Variants in RAD51B observed in about 807,000 individuals in gnomAD.
RAD51B encodes the protein DNA repair protein RAD51 homolog 2.
RAD51B carries 38 observed loss-of-function variants against 42.2 expected under a neutral mutation model. The observed-to-expected ratio is 0.90, with a 90% CI of 0.70 to 1.18. The LOEUF is 1.18. Among genes scored for constraint, RAD51B ranks in the 50% most tolerant of loss-of-function variants. RAD51B has a pLI of 0.00. For synonymous variants in RAD51B, 154 were observed against 145.2 expected (o/e 1.06, Z -0.43); for missense variants, 373 against 400.7 (o/e 0.93, Z 0.59).
chr14:68,382,403 C>A (rs1371774428), intron 8 of RAD51B, among the ~76,000 whole-genome samples: 2 of 152,124 alleles, frequency 1.3e-5, no homozygotes, highest in Admixed American at 6.5e-5. Flanking sequence ...GACATCAGCG[C>A]CATAAGATAT....
intron 7 of RAD51B, among the ~76,000 whole-genome samples, chr14:68,284,195 G>T (rs2081373547): frequency 6.6e-6 from 1 of 152,218 alleles, no homozygotes; most frequent in Non-Finnish European, 1.5e-5. Context: ...AACTTATTAA[G>T]ATTGGAAGCA....
chr14:68,209,671 C>T (rs2079662313), intron 7 of RAD51B, among the ~76,000 whole-genome samples: 1 of 152,150 alleles, frequency 6.6e-6, no homozygotes, highest in African/African-American at 2.4e-5. Flanking sequence ...ATTCTGTACC[C>T]ACTTAGGGAT....
intron 11 of RAD51B, among the ~76,000 whole-genome samples, chr14:68,653,463 C>G (rs1892744578): frequency 6.6e-6 from 1 of 152,238 alleles, no homozygotes. Context: ...AAGAGATACA[C>G]AGACTAGTCC....
intron 4 of RAD51B, among the ~76,000 whole-genome samples, chr14:67,843,822 AT>A (rs1215500790): frequency 3.1e-3 from 422 of 134,056 alleles, no homozygotes; most frequent in Non-Finnish European, 3.6e-3. Flanking sequence ...CTTTTTAATT[AT>A]TTTTTTTTTT....
At chr14:67,835,277 A>C in intron 4 of RAD51B, 81 bp downstream of exon 4, 1 of 1,020,988 alleles carries the variant, frequency 9.8e-7, no homozygotes, top group Admixed American at 2.0e-5. Flanking sequence ...AAAAAACATA[A>C]ATTATTTCTG....
intron 10 of RAD51B, among the ~76,000 whole-genome samples, chr14:68,584,155 A>T (rs117726003): frequency 6.6e-6 from 1 of 152,016 alleles, no homozygotes; most frequent in East Asian, 1.9e-4. Flanking sequence ...TGCTCCTGAC[A>T]CAGTGAAGAG....
chr14:68,264,166 G>A (rs2080940232), intron 7 of RAD51B, among the ~76,000 whole-genome samples: 1 of 152,214 alleles, frequency 6.6e-6, no homozygotes, highest in Non-Finnish European at 1.5e-5. Context: ...CAGGGGTGAG[G>A]ATCGTGTTTA....
At chr14:67,843,856 A>T in intron 4 of RAD51B, among the ~76,000 whole-genome samples, 1 of 149,422 alleles carries the variant, frequency 6.7e-6, no homozygotes, top group Non-Finnish European at 1.5e-5. Context: ...TGTTCAGTTC[A>T]GCTCTGATTT....
At chr14:68,675,969 A>C (rs1262979869) in intron 11 of RAD51B, among the ~76,000 whole-genome samples, 2 of 152,190 alleles carry the variant, frequency 1.3e-5, no homozygotes, top group African/African-American at 4.8e-5. Flanking sequence ...CCTTGAGGCT[A>C]TGGTGAGAAA....
chr14:68,504,432 C>G (rs1885139193), intron 10 of RAD51B, among the ~76,000 whole-genome samples: 1 of 152,180 alleles, frequency 6.6e-6, no homozygotes, highest in Non-Finnish European at 1.5e-5. Context: ...TTTGCTCAGT[C>G]ACAAGGGTGC....
chr14:68,112,157 T>G (rs564977236), intron 7 of RAD51B, among the ~76,000 whole-genome samples: 23 of 152,204 alleles, frequency 1.5e-4, no homozygotes, highest in African/African-American at 5.3e-4. Flanking sequence ...TAACCTCATA[T>G]AGGAAATTCA....
intron 7 of RAD51B, among the ~76,000 whole-genome samples, chr14:67,900,721 CTAAAG>C (rs780490010): frequency 5.3e-5 from 8 of 151,288 alleles, no homozygotes; most frequent in Non-Finnish European, 1.2e-4. Context: ...TTATTAAGTA[CTAAAG>C]TACAGTATTT....
At chr14:68,018,832 G>C (rs954040017) in intron 7 of RAD51B, among the ~76,000 whole-genome samples, 1 of 152,090 alleles carries the variant, frequency 6.6e-6, no homozygotes, top group Non-Finnish European at 1.5e-5. Context: ...ATAATGAATG[G>C]GTAATGGACT....
chr14:68,202,794 C>T (rs1381888280), intron 7 of RAD51B, among the ~76,000 whole-genome samples: 1 of 151,860 alleles, frequency 6.6e-6, no homozygotes, highest in Admixed American at 6.6e-5. Context: ...GTTGGTCAGG[C>T]TGGTCTCGAA....
intron 10 of RAD51B, among the ~76,000 whole-genome samples, chr14:68,633,901 C>T (rs12890882): frequency 0.28 from 42,426 of 152,174 alleles, 6,763 homozygotes; most frequent in East Asian, 0.69. Flanking sequence ...AGCTCAGGCT[C>T]ACTTGGGTGG....
At chr14:68,260,806 A>G (rs563094986) in intron 7 of RAD51B, among the ~76,000 whole-genome samples, 1 of 152,296 alleles carries the variant, frequency 6.6e-6, no homozygotes, top group African/African-American at 2.4e-5. Flanking sequence ...GCACTCTATC[A>G]TGCTATAAGC....
At chr14:68,547,278 T>C (rs1303232019) in intron 10 of RAD51B, among the ~76,000 whole-genome samples, 1 of 152,194 alleles carries the variant, frequency 6.6e-6, no homozygotes, top group African/African-American at 2.4e-5. Context: ...GGGATTAACC[T>C]CCTTTCTCAG....
At chr14:68,478,790 A>G (rs542848913), downstream of RAD51B, among the ~76,000 whole-genome samples, 5 of 152,320 alleles carry the variant, frequency 3.3e-5, no homozygotes, top group South Asian at 4.1e-4. Context: ...CTGTGCACCA[A>G]GTAGGTGCAG....
intron 7 of RAD51B, among the ~76,000 whole-genome samples, chr14:68,127,021 T>A (rs1445225157): frequency 6.6e-6 from 1 of 152,176 alleles, no homozygotes; most frequent in Non-Finnish European, 1.5e-5. Context: ...CCACCTCCTT[T>A]GTGAAACCTT....
Sources: allele counts gnomAD v4.1 joint callset (sites outside exome capture counted in the v4.1 genomes callset), GRCh38; gene constraint gnomAD v4.1.1; transcripts MANE v1.5; gene names NCBI Gene and HGNC (gene_info 2026-07-23, HGNC 2026-07-21).